Variants in AKR1B15 observed in about 807,000 individuals in gnomAD.
The protein encoded by AKR1B15 is aldo-keto reductase family 1 member B15, also known as estradiol 17-beta-dehydrogenase AKR1B15.
A neutral mutation model predicts 38.5 loss-of-function variants in AKR1B15; 49 were observed. The ratio of observed to expected loss-of-function variants is 1.27; its 90% CI spans 1.01 to 1.62. The LOEUF is 1.62. AKR1B15 is among the 40% of genes most tolerant of loss of function. AKR1B15 has a pLI of 0.00. For missense variants in AKR1B15, 411 were observed against 381.6 expected, an observed-to-expected ratio of 1.08 and a Z score of -0.64; for synonymous variants, 137 against 135.5, an observed-to-expected ratio of 1.01 and a Z score of -0.08.
In AKR1B15 at chr7:134,577,660, G is replaced by C. The variant is rs756753637; in HGVS notation, c.910-44G>C. ...TGGCCGGCAGTCTCCAGCCACAGCA[G>C]TAACAGCCTTACCGATAATGTATTG... On this transcript the variant is annotated intron_variant, in intron 10 of 11. Coordinates refer to ENST00000457545, the MANE Select transcript of AKR1B15 (RefSeq NM_001080538.3). 1.2e-5 allele frequency: 19 copies of C among 1,596,972 alleles called. No individual in the cohort carries two copies. In the East Asian group the frequency reaches 4.1e-4, roughly 34 times the overall value.
At chr7:134,573,195 T>C (rs1356103364) in intron 6 of AKR1B15, among the ~76,000 whole-genome samples, 6 of 152,158 alleles carry the variant, frequency 3.9e-5, no homozygotes, top group Admixed American at 3.9e-4. Flanking sequence ...CACACATGGA[T>C]AATTTTTATA....
chr7:134,564,399 C>G (rs962977390), intron 2 of AKR1B15, among the ~76,000 whole-genome samples, 199 bp from the exon 3 acceptor site: 1 of 152,126 alleles, frequency 6.6e-6, no homozygotes, highest in African/African-American at 2.4e-5. Flanking sequence ...ACTAACCAGT[C>G]AGGGATAATA....
At chr7:134,569,613 C>A in intron 5 of AKR1B15, 84 bp downstream of exon 5, 1 of 1,373,308 alleles carries the variant, frequency 7.3e-7, no homozygotes, top group Non-Finnish European at 1.0e-6. Flanking sequence ...CTGGCTGAAG[C>A]CATGGCAGAA....
At chr7:134,552,411 CT>C (rs1241804204) in intron 1 of AKR1B15, among the ~76,000 whole-genome samples, 1 of 152,182 alleles carries the variant, frequency 6.6e-6, no homozygotes, top group African/African-American at 2.4e-5. Context: ...AAACCACCAT[CT>C]GCCAGCTGTT....
At chr7:134,549,947 C>A (rs1793909229) in intron 1 of AKR1B15, among the ~76,000 whole-genome samples, 1 of 152,124 alleles carries the variant, frequency 6.6e-6, no homozygotes, top group South Asian at 2.1e-4. Context: ...CCAGTCCTGC[C>A]TTTCCTGTCA....
intron 6 of AKR1B15, among the ~76,000 whole-genome samples, chr7:134,574,848 G>C (rs931955411): frequency 1.3e-5 from 2 of 152,312 alleles, no homozygotes; most frequent in South Asian, 2.1e-4. Context: ...CTCCGTGGCC[G>C]GGTGCCCCTG....
At chr7:134,553,373 T>TCA (rs999734730) in intron 1 of AKR1B15, among the ~76,000 whole-genome samples, 4 of 152,172 alleles carry the variant, frequency 2.6e-5, no homozygotes. Flanking sequence ...CAAAACCATT[T>TCA]CACCTTTTTG....
intron 2 of AKR1B15, among the ~76,000 whole-genome samples, chr7:134,560,817 C>T (rs1264499085): frequency 6.6e-6 from 1 of 152,198 alleles, no homozygotes; most frequent in East Asian, 1.9e-4. Context: ...GCCATTCCAA[C>T]TGAACAGAAA....
Position 134,576,389 on chromosome 7 carries a change from A to G in AKR1B15, c.784A>G (p.Ile262Val). The G allele has an allele frequency of 6.2e-7, 1 of 1,614,126 alleles. No individual in the cohort carries two copies. The highest frequency in any genetic ancestry group is 8.5e-7 in the Non-Finnish European group (1 of 1,179,974). The change falls in exon 9 of 12, where the codon ATT becomes GTT. Residue 262 changes from isoleucine to valine, a missense_variant. By Grantham distance (29) the Ile-to-Val change is conservative. Coordinates refer to ENST00000457545, the MANE Select transcript of AKR1B15 (RefSeq NM_001080538.3). ...EDPSLLEDPK[I>V]KEIAAKHKKT... ...CCCTTCCCTGCTGGAGGATCCCAAGATTAAGGAGATTGCTGCAAAGCACAA... is the reference window on the plus strand; with the variant it reads ...CCCTTCCCTGCTGGAGGATCCCAAGGTTAAGGAGATTGCTGCAAAGCACAA...
chr7:134,553,357 A>AT (rs1312276331), intron 1 of AKR1B15, among the ~76,000 whole-genome samples: 1 of 152,216 alleles, frequency 6.6e-6, no homozygotes, highest in Non-Finnish European at 1.5e-5. Context: ...GCCCTCCCAA[A>AT]TATCTCAAAA....
intron 11 of AKR1B15, among the ~76,000 whole-genome samples, chr7:134,579,104 T>C (rs1384821247): frequency 5.9e-5 from 9 of 152,232 alleles, no homozygotes; most frequent in African/African-American, 2.2e-4. Context: ...GAACCTTAGC[T>C]TAGAATGTGC....
chr7:134,560,061 T>C (rs570447483), intron 2 of AKR1B15, among the ~76,000 whole-genome samples: 51 of 151,984 alleles, frequency 3.4e-4, no homozygotes, highest in Non-Finnish European at 5.0e-4. Context: ...TGAGCTGAGA[T>C]TGGGCAACTG....
chr7:134,573,957 T>A (rs1322002145), intron 6 of AKR1B15, among the ~76,000 whole-genome samples: 27 of 152,192 alleles, frequency 1.8e-4, no homozygotes, highest in Admixed American at 1.8e-3. Flanking sequence ...TAGAGTACAA[T>A]GGCATGATCA....
chr7:134,560,905 C>T (rs1794368050), intron 2 of AKR1B15, among the ~76,000 whole-genome samples: 1 of 152,180 alleles, frequency 6.6e-6, no homozygotes. Flanking sequence ...ATCTTTGGAG[C>T]CAAGGCTAAT....
At chr7:134,549,614 C>T (rs1328756843) in intron 1 of AKR1B15, among the ~76,000 whole-genome samples, 1 of 152,076 alleles carries the variant, frequency 6.6e-6, no homozygotes, top group African/African-American at 2.4e-5. Context: ...CTTAGGGCGG[C>T]ATCAGGCATA....
intron 2 of AKR1B15, among the ~76,000 whole-genome samples, 194 bp downstream of exon 2, chr7:134,557,053 T>A (rs1014762399): frequency 6.6e-6 from 1 of 152,142 alleles, no homozygotes; most frequent in Non-Finnish European, 1.5e-5. Context: ...AAAAATACTC[T>A]TCAAAGAGTT....
At chr7:134,558,308 C>A (rs1439640992) in intron 2 of AKR1B15, among the ~76,000 whole-genome samples, 1 of 152,230 alleles carries the variant, frequency 6.6e-6, no homozygotes, top group East Asian at 1.9e-4. Flanking sequence ...TGAAATGCCT[C>A]CAATTGGTAG....
chr7:134,557,234 C>CT (rs1794229404), intron 2 of AKR1B15, among the ~76,000 whole-genome samples: 1 of 152,114 alleles, frequency 6.6e-6, no homozygotes. Flanking sequence ...GTCTTCAGGC[C>CT]TTGTATATTA....
intron 3 of AKR1B15, among the ~76,000 whole-genome samples, chr7:134,566,420 A>G (rs972586839): frequency 2.0e-5 from 3 of 152,164 alleles, no homozygotes; most frequent in Non-Finnish European, 4.4e-5. Context: ...ACATGCTGGG[A>G]CTGCAGAGAG....
Sources: gnomAD v4.1 joint callset for allele counts (sites outside exome capture counted in the v4.1 genomes callset) on GRCh38, gnomAD v4.1.1 for gene constraint, MANE v1.5 for transcripts, NCBI Gene and HGNC (gene_info 2026-07-23, HGNC 2026-07-21) for gene names.